Variants in ATP8A2 observed in about 807,000 individuals in gnomAD.
The protein encoded by ATP8A2 is phospholipid-transporting ATPase IB.
ATP8A2 carries 100 observed loss-of-function variants against 165.6 expected under a neutral mutation model. That is an observed-to-expected ratio of 0.60 (90% CI 0.51 to 0.71). The LOEUF is 0.71. ATP8A2 is among the 30% of genes least tolerant of loss of function. The pLI is 0.00. For synonymous variants in ATP8A2, 543 were observed against 548.8 expected (o/e 0.99, Z 0.15); for missense variants, 1,227 against 1,479.5 (o/e 0.83, Z 2.80).
At chr13:25,413,278 G>GTTTTTTTTTTTTTTTTTTTTTTTTT (rs1195456593) in intron 1 of ATP8A2, among the ~76,000 whole-genome samples, 1 of 105,264 alleles carries the variant, frequency 9.5e-6, no homozygotes, top group Non-Finnish European at 1.9e-5. Context: ...CTTTTTCTTT[G>GTTTTTTTTTTTTTTTTTTTTTTTTT]TTTTTTTTTT....
chr13:25,926,424 CTG>C (rs1323112552), intron 33 of ATP8A2, among the ~76,000 whole-genome samples: 1 of 152,208 alleles, frequency 6.6e-6, no homozygotes, highest in Non-Finnish European at 1.5e-5. Flanking sequence ...AGAGCACTGA[CTG>C]TAACTTTTAT....
chr13:25,537,099 C>T (rs1215597897), intron 6 of ATP8A2, among the ~76,000 whole-genome samples: 1 of 152,194 alleles, frequency 6.6e-6, no homozygotes, highest in African/African-American at 2.4e-5. Context: ...AGACACTTCG[C>T]CATGGTACCA....
intron 27 of ATP8A2, among the ~76,000 whole-genome samples, chr13:25,822,373 C>T (rs535272102): frequency 9.5e-4 from 144 of 152,254 alleles, no homozygotes; most frequent in African/African-American, 3.0e-3. Flanking sequence ...CTTGTTCAAA[C>T]GAAAACTAAA....
intron 2 of ATP8A2, among the ~76,000 whole-genome samples, chr13:25,497,216 A>T (rs2036705448): frequency 6.6e-6 from 1 of 152,180 alleles, no homozygotes; most frequent in Non-Finnish European, 1.5e-5. Context: ...AAGGAATATT[A>T]TGTGTGATTA....
intron 1 of ATP8A2, among the ~76,000 whole-genome samples, chr13:25,375,709 A>G (rs1220349137): frequency 6.6e-6 from 1 of 151,582 alleles, no homozygotes; most frequent in Non-Finnish European, 1.5e-5. Context: ...AGTAGCTGGG[A>G]TTATAGGCTC....
At chr13:25,826,729 A>G (rs530681001) in intron 27 of ATP8A2, among the ~76,000 whole-genome samples, 47 of 152,306 alleles carry the variant, frequency 3.1e-4, no homozygotes, top group Non-Finnish European at 5.1e-4. Context: ...TCTGCCCTCA[A>G]TCAGACTCTC....
intron 28 of ATP8A2, among the ~76,000 whole-genome samples, chr13:25,830,833 G>C (rs9581449): frequency 0.013 from 1,970 of 152,196 alleles, 52 homozygotes; most frequent in African/African-American, 0.042. Context: ...ACATCATGTC[G>C]CTTTCCTGCT....
At chr13:25,630,320 A>G (rs1231039365) in intron 24 of ATP8A2, among the ~76,000 whole-genome samples, 2 of 152,218 alleles carry the variant, frequency 1.3e-5, no homozygotes, top group South Asian at 2.1e-4. Flanking sequence ...TGAAAAGCCC[A>G]CTCCAGATAT....
At chr13:25,377,760 C>T (rs1205008673) in intron 1 of ATP8A2, among the ~76,000 whole-genome samples, 1 of 152,104 alleles carries the variant, frequency 6.6e-6, no homozygotes, top group African/African-American at 2.4e-5. Flanking sequence ...CCATTGCACT[C>T]CAGTCTGGGC....
At chr13:25,915,967 T>G (rs1191538592) in intron 33 of ATP8A2, among the ~76,000 whole-genome samples, 1 of 152,254 alleles carries the variant, frequency 6.6e-6, no homozygotes, top group African/African-American at 2.4e-5. Flanking sequence ...ATTTTTCTTT[T>G]TTTCTATCGT....
chr13:25,781,520 A>G (rs1005700965), intron 27 of ATP8A2, among the ~76,000 whole-genome samples: 8 of 151,400 alleles, frequency 5.3e-5, no homozygotes, highest in African/African-American at 1.7e-4. Context: ...ATGGAGTCTC[A>G]CTCTGTCACC....
intron 24 of ATP8A2, among the ~76,000 whole-genome samples, chr13:25,627,644 T>C (rs1260417890): frequency 6.6e-6 from 1 of 152,192 alleles, no homozygotes; most frequent in Non-Finnish European, 1.5e-5. Flanking sequence ...ATCTTTGACT[T>C]CTAGCCTCCA....
intron 27 of ATP8A2, among the ~76,000 whole-genome samples, chr13:25,826,775 A>C (rs888704172): frequency 2.0e-5 from 3 of 151,934 alleles, no homozygotes; most frequent in Non-Finnish European, 2.9e-5. Flanking sequence ...ATTCAGCAGC[A>C]ACTTTTTGAA....
chr13:25,818,651 G>T (rs187194056), intron 27 of ATP8A2, among the ~76,000 whole-genome samples: 1 of 152,274 alleles, frequency 6.6e-6, no homozygotes, highest in Non-Finnish European at 1.5e-5. Context: ...ACTTTAGCCT[G>T]TATCATCATC....
intron 35 of ATP8A2, among the ~76,000 whole-genome samples, chr13:25,994,264 A>G (rs1390866860): frequency 1.3e-5 from 2 of 152,008 alleles, no homozygotes; most frequent in African/African-American, 2.4e-5. Flanking sequence ...ATACATATTT[A>G]TGTGTGCATA....
chr13:25,966,599 A>G (rs1008880427), intron 34 of ATP8A2, among the ~76,000 whole-genome samples: 4 of 152,224 alleles, frequency 2.6e-5, no homozygotes, highest in African/African-American at 9.6e-5. Flanking sequence ...TTCCCAGGCT[A>G]GCTCACAGGG....
chr13:25,700,385 TA>T (rs2042926168), intron 25 of ATP8A2, among the ~76,000 whole-genome samples: 1 of 152,164 alleles, frequency 6.6e-6, no homozygotes, highest in Non-Finnish European at 1.5e-5. Context: ...CATCACCCCG[TA>T]AAGAAACTCC....
intron 35 of ATP8A2, among the ~76,000 whole-genome samples, chr13:26,006,501 T>C (rs1412449643): frequency 6.6e-6 from 1 of 152,064 alleles, no homozygotes; most frequent in Non-Finnish European, 1.5e-5. Flanking sequence ...TGTATTTTAT[T>C]TCTTTTTCTT....
At chr13:25,470,833 A>T (rs2035822225) in intron 2 of ATP8A2, among the ~76,000 whole-genome samples, 1 of 152,248 alleles carries the variant, frequency 6.6e-6, no homozygotes, top group Non-Finnish European at 1.5e-5. Context: ...ACTTGAAAGC[A>T]TTATGCTAAG....
Sources: gnomAD v4.1 joint callset for allele counts (sites outside exome capture counted in the v4.1 genomes callset) on GRCh38, gnomAD v4.1.1 for gene constraint, MANE v1.5 for transcripts, NCBI Gene and HGNC (gene_info 2026-07-23, HGNC 2026-07-21) for gene names.